Variants in FYTTD1 observed in about 807,000 individuals in gnomAD.
FYTTD1 encodes UAP56-interacting factor.
Under a neutral mutation model 40.9 loss-of-function variants are expected in FYTTD1, and 22 were observed. The observed-to-expected ratio is 0.54, with a 90% CI of 0.38 to 0.77. The LOEUF is 0.77. FYTTD1 is among the 30% of genes least tolerant of loss of function. The pLI is 0.00. For missense variants in FYTTD1, 351 were observed against 392.2 expected, an observed-to-expected ratio of 0.90 and a Z score of 0.89; for synonymous variants, 140 against 137.9, an observed-to-expected ratio of 1.01 and a Z score of -0.10.
intron 4 of FYTTD1, among the ~76,000 whole-genome samples, chr3:197,770,906 T>C (rs1272396861): frequency 1.3e-5 from 2 of 152,226 alleles, no homozygotes; most frequent in Non-Finnish European, 2.9e-5. Context: ...TTCTGAAATC[T>C]CAATTTGTTA....
In FYTTD1 at chr3:197,760,052, A is replaced by G. The variant is rs1580450079; in HGVS notation, c.235+3495A>G. Among the ~76,000 whole-genome samples, 3 of 151,968 alleles carry G rather than the reference A, an allele frequency of 2.0e-5. No homozygotes were observed. In the South Asian group the frequency reaches 6.2e-4, roughly 32 times the overall value. ...TATGGAGTTGTTCTTCCGTGGTAGAACGTATAGAGTTGTTCTTCAGTGGTA... is the reference window on the plus strand; with the variant it reads ...TATGGAGTTGTTCTTCCGTGGTAGAGCGTATAGAGTTGTTCTTCAGTGGTA... On this transcript the variant is annotated intron_variant, in intron 2 of 8. Transcript: ENST00000241502.
At chr3:197,754,401 G>T (rs1011161062) in intron 1 of FYTTD1, among the ~76,000 whole-genome samples, 1 of 152,086 alleles carries the variant, frequency 6.6e-6, no homozygotes, top group African/African-American at 2.4e-5. Context: ...GTGAATATTT[G>T]AGTGTAATTA....
rs571950354 is a variant in FYTTD1 at position 197,785,078 on chromosome 3, C to T, written c.*3169C>T. On this transcript the variant is annotated 3_prime_UTR_variant, in exon 9 of 9. Coordinates refer to ENST00000241502, the MANE Select transcript of FYTTD1 (RefSeq NM_032288.7). ...AATAGCCATGCTTTAGCATTTTTAG[C>T]ATGGTAAGTAAATCTATTCTACCAG... 4.9e-4 allele frequency: 75 copies of T among 152,324 alleles called. No homozygotes were observed. The highest frequency in any genetic ancestry group is 1.7e-3 in the African/African-American group (72 of 41,572). The allele number at this position is 152,324 out of a possible 1,614,324, so 9.4% of individuals were successfully genotyped here.
At chr3:197,767,684 G>A (rs1039295443) in intron 2 of FYTTD1, among the ~76,000 whole-genome samples, 2 of 151,896 alleles carry the variant, frequency 1.3e-5, no homozygotes, top group African/African-American at 4.8e-5. Flanking sequence ...AAACTCCTGA[G>A]CTCAAGGGAT....
chr3:197,778,420 A>G lies in FYTTD1; in HGVS notation c.814A>G (p.Lys272Glu). The change falls in exon 8 of 9, where the codon AAA (lysine) becomes GAA (glutamate). Residue 272 changes from lysine (K) to glutamate (E), a missense_variant. By Grantham distance (56) the Lys-to-Glu change is moderately conservative. Coordinates refer to ENST00000241502, the MANE Select transcript of FYTTD1 (RefSeq NM_032288.7). ...REQSDVKKVP[K>E]GVPLQFDINS... ...GCAAAGTGACGTCAAGAAAGTTCCT[A>G]AAGGTGTTCCCCTGCAGTTTGACAT... 1.2e-6 allele frequency: 2 copies of G among 1,611,144 alleles called. No homozygotes were observed. Among genetic ancestry groups the G allele is most frequent in the Non-Finnish European group, 1.7e-6 (2 of 1,177,620 alleles).
intron 2 of FYTTD1, among the ~76,000 whole-genome samples, chr3:197,757,232 T>C (rs1000718357): frequency 3.9e-5 from 6 of 152,232 alleles, no homozygotes; most frequent in South Asian, 2.1e-4. Context: ...AGCTTATTTA[T>C]AACCATCTTG....
chr3:197,762,527 T>A (rs1399521159), intron 2 of FYTTD1, among the ~76,000 whole-genome samples: 1 of 149,882 alleles, frequency 6.7e-6, no homozygotes, highest in Non-Finnish European at 1.5e-5. Context: ...AGGTGGAGAT[T>A]GTAGTGAGCC....
At chr3:197,765,263 C>G (rs1279117818) in intron 2 of FYTTD1, among the ~76,000 whole-genome samples, 1 of 152,020 alleles carries the variant, frequency 6.6e-6, no homozygotes, top group Non-Finnish European at 1.5e-5. Context: ...TGGGTTCGTC[C>G]TCCTTTTAAT....
chr3:197,773,492 G>C lies in FYTTD1; in HGVS notation c.587G>C (p.Gly196Ala), dbSNP rs768513023. 6.4e-7 allele frequency: 1 copy of C among 1,563,814 alleles called. No individual in the cohort carries two copies. Among genetic ancestry groups the C allele is most frequent in the Non-Finnish European group, 8.7e-7 (1 of 1,143,058 alleles). Residue 196 changes from glycine (G) to alanine (A), a missense_variant, in exon 5 of 9, where the codon GGC becomes GCC. Gly to Ala is a moderately conservative substitution (Grantham distance 60, BLOSUM62 0). Coordinates refer to ENST00000241502, the MANE Select transcript of FYTTD1 (RefSeq NM_032288.7). ...TRQATFLFRR[G>A]LKVQAQLNTE... ...CAGGCAACTTTTCTTTTCAGAAGAG[G>C]CCTGAAGGTATTTAAAAACTTTGGC...
chr3:197,767,425 A>G (rs1224625255), intron 2 of FYTTD1, among the ~76,000 whole-genome samples: 1 of 144,954 alleles, frequency 6.9e-6, no homozygotes, highest in Non-Finnish European at 1.5e-5. Flanking sequence ...GGTGTGAGCC[A>G]CTGCACCTGG....
intron 1 of FYTTD1, 146 bp downstream of exon 1, chr3:197,750,220 G>A: frequency 1.2e-6 from 1 of 835,894 alleles, no homozygotes; most frequent in Non-Finnish European, 1.7e-6. Flanking sequence ...AGGCCCGGAG[G>A]ACAGCCGGGA....
rs146521018 is a variant in FYTTD1 at position 197,784,397 on chromosome 3, G to A, written c.*2488G>A. On this transcript the variant is annotated 3_prime_UTR_variant, in exon 9 of 9. Coordinates refer to ENST00000241502, the MANE Select transcript of FYTTD1 (RefSeq NM_032288.7). Reference sequence around the variant, plus strand: ...TCTATATTTGTAGTTTTTAGGGTGTGAAACCTTATCTACTAGCAAAATTGG... The same window carrying A: ...TCTATATTTGTAGTTTTTAGGGTGTAAAACCTTATCTACTAGCAAAATTGG... 6.6e-6 allele frequency: 1 copy of A among 152,278 alleles called. No homozygotes were observed. Among genetic ancestry groups the A allele is most frequent in the African/African-American group, 2.4e-5 (1 of 41,580 alleles). 9.4% of individuals were successfully genotyped at this position (152,278 alleles called of 1,614,324 possible).
chr3:197,752,300 C>T (rs769579984), intron 1 of FYTTD1, among the ~76,000 whole-genome samples: 1 of 152,178 alleles, frequency 6.6e-6, no homozygotes, highest in Non-Finnish European at 1.5e-5. Context: ...ACCATGTAAC[C>T]GTGGGCAGAT....
intron 3 of FYTTD1, among the ~76,000 whole-genome samples, 179 bp from the exon 4 acceptor site, chr3:197,769,953 G>T (rs1295303030): frequency 1.3e-5 from 2 of 152,024 alleles, no homozygotes; most frequent in Non-Finnish European, 2.9e-5. Flanking sequence ...TATAATGTGG[G>T]GTTTTCATCT....
chr3:197,767,815 C>G (rs1272043805), intron 2 of FYTTD1, among the ~76,000 whole-genome samples: 1 of 152,154 alleles, frequency 6.6e-6, no homozygotes, highest in African/African-American at 2.4e-5. Context: ...ATGTCACATG[C>G]CACAGATTAA....
chr3:197,765,571 A>G (rs1729519605), intron 2 of FYTTD1, among the ~76,000 whole-genome samples: 1 of 152,122 alleles, frequency 6.6e-6, no homozygotes, highest in Non-Finnish European at 1.5e-5. Flanking sequence ...TTAAAAACTA[A>G]AGACTTTAAG....
chr3:197,781,914 C>T lies in FYTTD1; in HGVS notation c.*5C>T. On this transcript the variant is annotated 3_prime_UTR_variant, in exon 9 of 9. Coordinates refer to ENST00000241502, the MANE Select transcript of FYTTD1 (RefSeq NM_032288.7). ...CGCTTTGTCACCGTGGGATAGGTCCCATGTCAAAGGAACTTTTGAGTGATG... is the reference window on the plus strand; with the variant it reads ...CGCTTTGTCACCGTGGGATAGGTCCTATGTCAAAGGAACTTTTGAGTGATG... The T allele has an allele frequency of 1.9e-6, 3 of 1,559,848 alleles. No individual in the cohort carries two copies. Among genetic ancestry groups the T allele is most frequent in the Middle Eastern group, 1.7e-4 (1 of 5,818 alleles).
At chr3:197,772,902 C>T (rs1490687274) in intron 4 of FYTTD1, among the ~76,000 whole-genome samples, 2 of 152,178 alleles carry the variant, frequency 1.3e-5, no homozygotes, top group East Asian at 3.8e-4. Flanking sequence ...AGCCATAATG[C>T]CTGGCCTCTA....
intron 2 of FYTTD1, among the ~76,000 whole-genome samples, chr3:197,760,752 T>C (rs1471014114): frequency 2.6e-5 from 4 of 151,920 alleles, no homozygotes; most frequent in African/African-American, 9.7e-5. Flanking sequence ...GTAGAATGTG[T>C]GGAGTTGTTC....
Sources: allele counts gnomAD v4.1 joint callset (sites outside exome capture counted in the v4.1 genomes callset), GRCh38; gene constraint gnomAD v4.1.1; transcripts MANE v1.5; gene names NCBI Gene and HGNC (gene_info 2026-07-23, HGNC 2026-07-21).